The following RALGAPA1 variants were observed in gnomAD, a reference collection of about 807,000 sequenced individuals.
RALGAPA1 encodes Ral GTPase activating protein catalytic subunit alpha 1.
A neutral mutation model predicts 269.6 loss-of-function variants in RALGAPA1; 52 were observed. The ratio of observed to expected loss-of-function variants is 0.19; its 90% CI spans 0.15 to 0.24. RALGAPA1 has a LOEUF of 0.24. RALGAPA1 is among the 10% of genes least tolerant of loss of function. The probability of loss-of-function intolerance (pLI) is 1.00; values close to 1 mark genes in which losing one functional copy is unlikely to be tolerated. For synonymous variants in RALGAPA1, 817 were observed against 1,008.3 expected, an observed-to-expected ratio of 0.81 and a Z score of 3.60; for missense variants, 1,917 against 3,013.9, an observed-to-expected ratio of 0.64 and a Z score of 8.52.
chr14:35,734,375 G>A (rs2070782320), intron 12 of RALGAPA1, among the ~76,000 whole-genome samples: 1 of 152,128 alleles, frequency 6.6e-6, no homozygotes, highest in African/African-American at 2.4e-5. Flanking sequence ...CAATGAAACA[G>A]AATAGAAAAC....
At position 35,748,791 on chromosome 14, in the gene RALGAPA1, T is replaced by A; in HGVS notation, c.1045A>T (p.Ser349Cys). Residue 349 changes from serine (S) to cysteine (C), a missense_variant, in exon 10 of 42, where the codon AGC becomes TGC. Coordinates refer to ENST00000680220, the MANE Select transcript of RALGAPA1 (RefSeq NM_001346249.2). ...AAASLVSREE[S>C]KNDNADKTDR... ...GTTTTATCAGCATTATCATTTTTGCTTTCTTCTCTGGATACTAAACTAGCA... is the reference window on the plus strand; with the variant it reads ...GTTTTATCAGCATTATCATTTTTGCATTCTTCTCTGGATACTAAACTAGCA... The A allele has an allele frequency of 6.2e-7, 1 of 1,611,902 alleles. No homozygotes were observed. The highest frequency in any genetic ancestry group is 1.1e-5 in the South Asian group (1 of 90,818).
rs190647986 is a variant in RALGAPA1 at position 35,567,180 on chromosome 14, A to G, written c.7496+3437T>C. Among the ~76,000 whole-genome samples, 274 of 152,056 alleles carry G rather than the reference A, an allele frequency of 1.8e-3. 2 individuals are homozygous for G. Among genetic ancestry groups the G allele is most frequent in the Non-Finnish European group, 2.4e-3 (166 of 67,872 alleles). ...TTTAAATAAAGTATTCATGTTTACT[A>G]TTTTCATCAATTTTCTCCAATGTGG... On this transcript the variant is annotated intron_variant, in intron 39 of 41. Coordinates refer to ENST00000680220, the MANE Select transcript of RALGAPA1 (RefSeq NM_001346249.2).
At chr14:35,554,248 A>G (rs2055320521) in intron 39 of RALGAPA1, among the ~76,000 whole-genome samples, 1 of 151,970 alleles carries the variant, frequency 6.6e-6, no homozygotes, top group African/African-American at 2.4e-5. Flanking sequence ...TCCACATCAT[A>G]CATCTTGAAG....
intron 17 of RALGAPA1, among the ~76,000 whole-genome samples, chr14:35,695,468 G>T (rs1264143604): frequency 6.6e-6 from 1 of 152,058 alleles, no homozygotes; most frequent in Non-Finnish European, 1.5e-5. Flanking sequence ...CAAAACAGAA[G>T]TATAAAGAGC....
intron 1 of RALGAPA1, among the ~76,000 whole-genome samples, chr14:35,793,585 TACACACACAAACACACAC>T (rs1347684305): frequency 7.2e-6 from 1 of 139,796 alleles, no homozygotes; most frequent in Non-Finnish European, 1.5e-5. Context: ...AGACATTAGA[TACACACACAAACACACAC>T]ACACACACAC....
rs74358553 is a variant in RALGAPA1, at chr14:35,628,287, C to T, written c.5996-336G>A. 9.6e-3 allele frequency among the ~76,000 whole-genome samples: 1,456 copies of T among 152,212 alleles called. 69 individuals are homozygous for T. The South Asian group carries it at 0.14, about 15-fold the overall frequency. On this transcript the variant is annotated intron_variant, in intron 33 of 41. Transcript: ENST00000680220. ...CCAAAGACGGCCAGGTGCTGTAACA[C>T]ATCTGAAATCTCAGCACTTTGGGAG...
intron 39 of RALGAPA1, among the ~76,000 whole-genome samples, chr14:35,566,740 G>A (rs182450004): frequency 4.9e-4 from 74 of 151,556 alleles, no homozygotes; most frequent in Admixed American, 9.9e-4. Flanking sequence ...AGATGTACCT[G>A]TATTTCAATA....
At chr14:35,692,217 G>A (rs11625016) in intron 17 of RALGAPA1, among the ~76,000 whole-genome samples, 16,998 of 151,910 alleles carry the variant, frequency 0.11, 1,584 homozygotes, top group East Asian at 0.37. Flanking sequence ...GAATTCTTAC[G>A]AATTTTATAG....
chr14:35,739,426 T>G (rs2071347565), intron 11 of RALGAPA1, among the ~76,000 whole-genome samples: 1 of 152,170 alleles, frequency 6.6e-6, no homozygotes, highest in Non-Finnish European at 1.5e-5. Flanking sequence ...TAGTCTAGCC[T>G]TTCTCTTAAG....
At chr14:35,777,888 A>T (rs1490087361) in intron 1 of RALGAPA1, among the ~76,000 whole-genome samples, 2 of 152,216 alleles carry the variant, frequency 1.3e-5, no homozygotes, top group Non-Finnish European at 2.9e-5. Context: ...AAAATAAAAG[A>T]TTTTTGAAAG....
intron 10 of RALGAPA1, among the ~76,000 whole-genome samples, chr14:35,744,087 T>C (rs933189667): frequency 1.3e-5 from 2 of 152,172 alleles, no homozygotes; most frequent in African/African-American, 4.8e-5. Context: ...AGAATTAAAT[T>C]GCTGCCGGGC....
At chr14:35,674,861 C>T (rs2064808689) in intron 22 of RALGAPA1, 152 bp from the exon 23 acceptor site, 1 of 525,376 alleles carries the variant, frequency 1.9e-6, no homozygotes, top group Non-Finnish European at 3.4e-6. Flanking sequence ...AAGGTCAAAA[C>T]CTCACTTATT....
chr14:35,752,477 C>T (rs2072807954), intron 7 of RALGAPA1, among the ~76,000 whole-genome samples: 3 of 152,080 alleles, frequency 2.0e-5, no homozygotes, highest in Non-Finnish European at 4.4e-5. Context: ...CCTAAAAAAC[C>T]ATACAAAATA....
At chr14:35,677,351 T>C (rs888704920) in intron 22 of RALGAPA1, 2 of 153,160 alleles carry the variant, frequency 1.3e-5, no homozygotes, top group Non-Finnish European at 2.9e-5. Context: ...GCATATGCCA[T>C]AAATGTGCAT....
At chr14:35,610,917 T>C (rs926236504) in intron 35 of RALGAPA1, among the ~76,000 whole-genome samples, 14 of 152,182 alleles carry the variant, frequency 9.2e-5, no homozygotes, top group African/African-American at 3.4e-4. Flanking sequence ...TGGGTATAAA[T>C]TTACTGTGAA....
intron 35 of RALGAPA1, among the ~76,000 whole-genome samples, chr14:35,607,620 C>T (rs1230161121): frequency 1.3e-5 from 2 of 152,162 alleles, no homozygotes; most frequent in African/African-American, 4.8e-5. Context: ...ACTGCCACTC[C>T]AGGAAAAGCT....
intron 30 of RALGAPA1, among the ~76,000 whole-genome samples, chr14:35,653,915 G>C (rs984346964): frequency 6.6e-6 from 1 of 152,198 alleles, no homozygotes; most frequent in Non-Finnish European, 1.5e-5. Context: ...CCCTACTTAA[G>C]AGGGAATAAA....
chr14:35,615,162 A>G (rs553084560), intron 35 of RALGAPA1, among the ~76,000 whole-genome samples: 5 of 152,318 alleles, frequency 3.3e-5, no homozygotes, highest in Non-Finnish European at 5.9e-5. Context: ...CAAATGTTCT[A>G]TAAGAATATG....
chr14:35,591,967 T>C (rs995785177), intron 37 of RALGAPA1, among the ~76,000 whole-genome samples: 1 of 152,186 alleles, frequency 6.6e-6, no homozygotes, highest in African/African-American at 2.4e-5. Flanking sequence ...ATGTAAGATG[T>C]ACCTTGCTTC....
Sources: allele counts gnomAD v4.1 joint callset (sites outside exome capture counted in the v4.1 genomes callset), GRCh38; gene constraint gnomAD v4.1.1; transcripts MANE v1.5; gene names NCBI Gene and HGNC (gene_info 2026-07-23, HGNC 2026-07-21).